The following CERS5 variants were observed in gnomAD, a reference collection of about 807,000 sequenced individuals.
CERS5 encodes LAG1 homolog, ceramide synthase 5.
In CERS5, 37 loss-of-function variants were observed where a neutral mutation model predicts 58.9. The ratio of observed to expected loss-of-function variants is 0.63; its 90% CI spans 0.48 to 0.83. CERS5 has a LOEUF of 0.83. Among genes scored for constraint, CERS5 ranks in the 40% least tolerant of loss-of-function variants. The pLI is 0.00. For missense variants in CERS5, 398 were observed against 489.3 expected (o/e 0.81, Z 1.76); for synonymous variants, 147 against 177.8 (o/e 0.83, Z 1.38).
intron 1 of CERS5, among the ~76,000 whole-genome samples, chr12:50,164,266 ATT>A (rs34566112): frequency 1.3e-4 from 18 of 141,892 alleles, no homozygotes; most frequent in East Asian, 2.0e-4. Flanking sequence ...CGCTCTCCCA[ATT>A]TTTTTTTTTT....
chr12:50,131,613 C>CT (rs577529705), intron 9 of CERS5, among the ~76,000 whole-genome samples: 12 of 143,690 alleles, frequency 8.4e-5, no homozygotes, highest in Non-Finnish European at 1.4e-4. Flanking sequence ...CCCCAAGATA[C>CT]ACAGTATAGT....
intron 1 of CERS5, among the ~76,000 whole-genome samples, chr12:50,151,746 A>C (rs1449456246): frequency 2.6e-5 from 4 of 152,180 alleles, no homozygotes; most frequent in African/African-American, 7.2e-5. Context: ...TCCACCTCCC[A>C]GGTTCGATTC....
At chr12:50,159,986 C>G (rs1313772323) in intron 1 of CERS5, among the ~76,000 whole-genome samples, 3 of 151,920 alleles carry the variant, frequency 2.0e-5, no homozygotes, top group Non-Finnish European at 2.9e-5. Flanking sequence ...CTTGATATGT[C>G]AAAAGTACTG....
chr12:50,163,521 C>T lies in CERS5; in HGVS notation c.197+3580G>A, dbSNP rs972368393. Among the ~76,000 whole-genome samples the T allele has an allele frequency of 2.6e-5, 4 of 151,804 alleles. No individual in the cohort carries two copies. The East Asian group carries it at 7.9e-4, about 30-fold the overall frequency. ...CCATGCCCCGATATTTTTGATATGCCTTCTATTGCATTCTACAAGTGGCTC... is the reference window on the plus strand; with the variant it reads ...CCATGCCCCGATATTTTTGATATGCTTTCTATTGCATTCTACAAGTGGCTC... On this transcript the variant is annotated intron_variant, in intron 1 of 9. Transcript: ENST00000317551.
Position 50,137,799 on chromosome 12 carries a change from G to T in CERS5, c.565C>A (p.His189Asn). ...AAGGCCAATTCCATGATATAATAGT[G>T]ATAAAGCCCACTTGAAAGAGGCTGG... ...PFQPLSSGLY[H>N]YYIMELAFYW... The change falls in exon 6 of 10, where the codon CAC (histidine) becomes AAC (asparagine). Residue 189 changes from histidine to asparagine, a missense_variant. By Grantham distance (68) the His-to-Asn change is moderately conservative (BLOSUM62 1). Around this residue, in one of 3 missense-constraint regions of CERS5, gnomAD observed 328 missense variants for 384.5 expected, o/e 0.85. Coordinates refer to ENST00000317551, the MANE Select transcript of CERS5 (RefSeq NM_147190.5). 1 of 1,605,700 alleles carries T rather than the reference G, an allele frequency of 6.2e-7. No individual in the cohort carries two copies. Among genetic ancestry groups the T allele is most frequent in the Non-Finnish European group, 8.5e-7 (1 of 1,173,216 alleles).
chr12:50,166,336 AAAAAAAAG>A (rs1166496962), intron 1 of CERS5: 4 of 167,242 alleles, frequency 2.4e-5, no homozygotes, highest in Admixed American at 6.5e-5. Context: ...AAAAAAAAAA[AAAAAAAAG>A]AAAAGAAAAA....
At chr12:50,151,086 A>G (rs550327281) in intron 1 of CERS5, among the ~76,000 whole-genome samples, 1 of 151,996 alleles carries the variant, frequency 6.6e-6, no homozygotes, top group African/African-American at 2.4e-5. Flanking sequence ...AAACATGCTC[A>G]AGTTTTTCAC....
rs749880471 is a variant in CERS5, at chr12:50,144,028, A to C, written c.227T>G (p.Ile76Ser). The change falls in exon 2 of 10, where the codon ATT (isoleucine) becomes AGT (serine). Residue 76 changes from isoleucine to serine, a missense_variant. Coordinates refer to ENST00000317551, the MANE Select transcript of CERS5 (RefSeq NM_147190.5). ...ATAAGGACCACTGTCCTCGATGCCA[A>C]TACAGAGTGCACAGGGTTTGGCAAT... ...RFIAKPCALCIGIEDSGPYQA... is the reference protein window; with the variant it reads ...RFIAKPCALCSGIEDSGPYQA... The C allele has an allele frequency of 1.4e-5, 23 of 1,612,882 alleles. No homozygotes were observed. The highest frequency in any genetic ancestry group is 1.7e-5 in the Non-Finnish European group (20 of 1,178,948).
At chr12:50,149,202 G>A (rs1937664599) in intron 1 of CERS5, among the ~76,000 whole-genome samples, 1 of 151,848 alleles carries the variant, frequency 6.6e-6, no homozygotes, top group East Asian at 1.9e-4. Context: ...GTCTTCTCCA[G>A]GATCAATCCA....
At chr12:50,143,277 C>T (rs2277355) in intron 2 of CERS5, 73 bp from the exon 3 acceptor site, 10 of 1,557,882 alleles carry the variant, frequency 6.4e-6, no homozygotes, top group Non-Finnish European at 8.8e-6. Flanking sequence ...ACTAGCTGAG[C>T]GACAAGGTAT....
chr12:50,154,527 C>T (rs938993352), intron 1 of CERS5, among the ~76,000 whole-genome samples: 2 of 152,160 alleles, frequency 1.3e-5, no homozygotes, highest in East Asian at 3.8e-4. Context: ...AGATTGAATG[C>T]AGAAGCTGCT....
Position 50,137,788 on chromosome 12 carries a change from G to T in CERS5, c.576C>A (p.Ile192=), listed in dbSNP as rs1951765171. 6.2e-7 allele frequency: 1 copy of T among 1,608,450 alleles called. No homozygotes were observed. Among genetic ancestry groups the T allele is most frequent in the Non-Finnish European group, 8.5e-7 (1 of 1,175,662 alleles). The change falls in exon 6 of 10, where the codon ATC becomes ATA. Residue 192 remains isoleucine, a synonymous_variant. Transcript: ENST00000317551. ...PLSSGLYHYY[I]MELAFYWSLM... ...GGGACCAATAGAAGGCCAATTCCAT[G>T]ATATAATAGTGATAAAGCCCACTTG...
intron 9 of CERS5, chr12:50,132,887 A>G: frequency 1.2e-5 from 15 of 1,272,834 alleles, no homozygotes; most frequent in Non-Finnish European, 1.5e-5. Flanking sequence ...GGGAACAGAA[A>G]GGAGAGCAGG....
At chr12:50,165,964 A>AAACATATC in intron 1 of CERS5, 1 of 454,408 alleles carries the variant, frequency 2.2e-6, no homozygotes, top group South Asian at 1.6e-5. Context: ...CATATGATCC[A>AAACATATC]TTCACTTAAA....
At chr12:50,151,600 T>G (rs1937965091) in intron 1 of CERS5, among the ~76,000 whole-genome samples, 1 of 152,160 alleles carries the variant, frequency 6.6e-6, no homozygotes, top group South Asian at 2.1e-4. Flanking sequence ...ATAAACTTAC[T>G]AAAGAGGATT....
intron 4 of CERS5, among the ~76,000 whole-genome samples, chr12:50,141,200 G>A (rs1022409998): frequency 5.3e-5 from 8 of 151,972 alleles, no homozygotes; most frequent in Non-Finnish European, 1.0e-4. Context: ...ACAGGTGCAC[G>A]CCACCACGCC....
intron 8 of CERS5, 44 bp from the exon 9 acceptor site, chr12:50,134,746 A>C: frequency 2.2e-5 from 34 of 1,570,794 alleles, no homozygotes; most frequent in Non-Finnish European, 2.8e-5. Flanking sequence ...GTCAAAGCTC[A>C]GCAGACAGGG....
intron 9 of CERS5, chr12:50,133,754 C>T: frequency 1.0e-6 from 1 of 985,560 alleles, no homozygotes; most frequent in Non-Finnish European, 1.2e-6. Context: ...GAACTTTCCT[C>T]TTGCGTCTAA....
intron 1 of CERS5, among the ~76,000 whole-genome samples, chr12:50,160,639 T>C (rs762629862): frequency 1.1e-4 from 16 of 152,238 alleles, no homozygotes; most frequent in Non-Finnish European, 5.9e-5. Flanking sequence ...TATATAGATC[T>C]GATGGTATCA....
Sources: allele counts gnomAD v4.1 joint callset (sites outside exome capture counted in the v4.1 genomes callset), GRCh38; gene constraint gnomAD v4.1.1; regional missense constraint gnomAD v4.1.1; transcripts MANE v1.5; gene names NCBI Gene and HGNC (gene_info 2026-07-23, HGNC 2026-07-21).